The following CAPNS1 variants were observed in gnomAD, a reference collection of about 807,000 sequenced individuals.
CAPNS1 encodes calpain small subunit 1, also known as CANP small subunit.
A neutral mutation model predicts 39.2 loss-of-function variants in CAPNS1; 32 were observed. The observed-to-expected ratio is 0.82, with a 90% CI of 0.62 to 1.10. The LOEUF (loss-of-function observed/expected upper bound fraction) is 1.10. Among genes scored for constraint, CAPNS1 ranks in the 50% least tolerant of loss-of-function variants. CAPNS1 has a pLI of 0.00. For synonymous variants in CAPNS1, 153 were observed against 136.2 expected (o/e 1.12, Z -0.86); for missense variants, 353 against 373.1 (o/e 0.95, Z 0.44).
rs762877961 is a variant in CAPNS1 at position 36,142,980 on chromosome 19, G to T, written c.391+14G>T. 17 of 1,614,162 alleles carry T rather than the reference G, an allele frequency of 1.1e-5. No homozygotes were observed. In the Admixed American group the frequency reaches 2.3e-4, roughly 22 times the overall value. The stretch of plus-strand genomic sequence containing the variant: ...TTGTGACACGACGTAAGTGACCGGG[G>T]TTAAGGAATAGGGTAGATTCAGAGG... On this transcript the variant is annotated intron_variant, in intron 5 of 10. Transcript: ENST00000246533.
At chr19:36,141,264 G>A in intron 2 of CAPNS1, 44 bp downstream of exon 2, 1 of 1,488,624 alleles carries the variant, frequency 6.7e-7, no homozygotes, top group South Asian at 1.3e-5. Flanking sequence ...GGAATGGGAG[G>A]AGCCTCAGTG....
At chr19:36,143,627 C>G (rs575112792) in intron 6 of CAPNS1, among the ~76,000 whole-genome samples, 2 of 150,432 alleles carry the variant, frequency 1.3e-5, no homozygotes, top group Non-Finnish European at 3.0e-5. Context: ...TTTGGGAGGC[C>G]GAGGCGGGCG....
Position 36,142,324 on chromosome 19 carries a change from G to C in CAPNS1, c.234G>C (p.Pro78=), listed in dbSNP as rs1304261216. The part of the protein sequence containing the change: ...AISEAAAQYN[P]EPPPPRTHYS... ...GCGAGGCGGCTGCGCAGTACAACCC[G>C]GAGCCCCCGGTAAGCCCCCTCTGCA... Residue 78 remains proline (P), a synonymous_variant, in exon 3 of 11, where the codon CCG becomes CCC. Coordinates refer to ENST00000246533, the MANE Select transcript of CAPNS1 (RefSeq NM_001749.4). 1.3e-6 allele frequency: 2 copies of C among 1,523,562 alleles called. No individual in the cohort carries two copies. The highest frequency in any genetic ancestry group is 1.2e-5 in the South Asian group (1 of 82,704). The allele number at this position is 1,523,562 out of a possible 1,614,324, so 94.4% of individuals were successfully genotyped here.
At position 36,141,238 on chromosome 19, in the gene CAPNS1, A is replaced by C; in HGVS notation, c.209+18A>C. ...GCCATCAGGTAAGGCGGAGACTATCAGAGGGGCGGGGCCTGGGAATGGGAG... is the reference window on the plus strand; with the variant it reads ...GCCATCAGGTAAGGCGGAGACTATCCGAGGGGCGGGGCCTGGGAATGGGAG... On this transcript the variant is annotated intron_variant, in intron 2 of 10. Coordinates refer to ENST00000246533, the MANE Select transcript of CAPNS1 (RefSeq NM_001749.4). 2 of 1,515,004 alleles carry C rather than the reference A, an allele frequency of 1.3e-6. No homozygotes were observed. Among genetic ancestry groups the C allele is most frequent in the South Asian group, 2.5e-5 (2 of 79,736 alleles). 93.8% of individuals were successfully genotyped at this position (1,515,004 alleles called of 1,614,324 possible). A position where few individuals can be genotyped will look rare whatever the true frequency, so the allele number is the denominator to read the frequency against.
intron 1 of CAPNS1, chr19:36,140,626 C>G: frequency 4.9e-6 from 1 of 205,222 alleles, no homozygotes; most frequent in Non-Finnish European, 9.7e-6. Context: ...GCGCCCATGA[C>G]CTGCCAAGGA....
At chr19:36,141,543 AACCT>A (rs1218665962) in intron 2 of CAPNS1, 2 of 1,182,318 alleles carry the variant, frequency 1.7e-6, no homozygotes, top group African/African-American at 3.2e-5. Context: ...TGCATTGGCT[AACCT>A]GGAGATGAAC....
chr19:36,144,552 T>A (rs1386635914), intron 6 of CAPNS1, among the ~76,000 whole-genome samples: 1 of 152,226 alleles, frequency 6.6e-6, no homozygotes, highest in African/African-American at 2.4e-5. Flanking sequence ...ATTTTTGTTT[T>A]AAAAAATATT....
chr19:36,142,803 C>A, intron 4 of CAPNS1, 62 bp downstream of exon 4: 3 of 1,580,068 alleles, frequency 1.9e-6, no homozygotes, highest in Non-Finnish European at 2.6e-6. Context: ...TGTGGCTGCC[C>A]TTGCACACAC....
At chr19:36,149,194 C>T (rs1490908925) in intron 9 of CAPNS1, among the ~76,000 whole-genome samples, 1 of 152,194 alleles carries the variant, frequency 6.6e-6, no homozygotes, top group Non-Finnish European at 1.5e-5. Context: ...ATGGCCCCTC[C>T]CTTCCTGCCT....
Position 36,143,057 on chromosome 19 carries a change from C to A in CAPNS1, c.392-7C>A. The A allele has an allele frequency of 6.2e-7, 1 of 1,614,148 alleles. No homozygotes were observed. The highest frequency in any genetic ancestry group is 8.5e-7 in the Non-Finnish European group (1 of 1,180,000). On this transcript the variant is annotated splice_region_variant and splice_polypyrimidine_tract_variant and intron_variant, in intron 5 of 10. Transcript: ENST00000246533. ...CTGGCCTCTGACTTTCAACCTGTTA[C>A]CCACAGACCCTGATCTGAAGACTGA...
rs761502994 is a variant in CAPNS1, at chr19:36,146,202, A to G, written c.611A>G (p.His204Arg). ...AGGACTACATCCATCTTAGGGTTCCACCTGAATGAGCATCTCTATAACATG... is the reference window on the plus strand; with the variant it reads ...AGGACTACATCCATCTTAGGGTTCCGCCTGAATGAGCATCTCTATAACATG... The part of the protein sequence containing the change: ...LPGAFEAAGF[H>R]LNEHLYNMII... Residue 204 changes from histidine (H) to arginine (R), a missense_variant, in exon 9 of 11, where the codon CAC becomes CGC. Coordinates refer to ENST00000246533, the MANE Select transcript of CAPNS1 (RefSeq NM_001749.4). 7 of 1,612,150 alleles carry G rather than the reference A, an allele frequency of 4.3e-6. No individual in the cohort carries two copies. The highest frequency in any genetic ancestry group is 5.9e-6 in the Non-Finnish European group (7 of 1,178,288).
At chr19:36,142,562 C>T (rs1170207101) in intron 3 of CAPNS1, 90 bp from the exon 4 acceptor site, 1 of 1,028,408 alleles carries the variant, frequency 9.7e-7, no homozygotes, top group Non-Finnish European at 1.5e-6. Flanking sequence ...GCCCAGCCCA[C>T]TCTGACTTCC....
chr19:36,141,235 A>G lies in CAPNS1; in HGVS notation c.209+15A>G, dbSNP rs1490731941. ...AGCGCCATCAGGTAAGGCGGAGACT[A>G]TCAGAGGGGCGGGGCCTGGGAATGG... On this transcript the variant is annotated intron_variant, in intron 2 of 10. Coordinates refer to ENST00000246533, the MANE Select transcript of CAPNS1 (RefSeq NM_001749.4). The G allele has an allele frequency of 6.6e-7, 1 of 1,515,464 alleles. No individual in the cohort carries two copies. The highest frequency in any genetic ancestry group is 8.8e-7 in the Non-Finnish European group (1 of 1,137,758). 93.9% of individuals were successfully genotyped at this position (1,515,464 alleles called of 1,614,324 possible).
intron 8 of CAPNS1, 42 bp from the exon 9 acceptor site, chr19:36,146,154 G>A: frequency 6.3e-7 from 1 of 1,581,158 alleles, no homozygotes. Context: ...GAGTGGGTTG[G>A]GCCATGTGGC....
At chr19:36,140,246 A>C (rs1272905137) in intron 1 of CAPNS1, 89 bp downstream of exon 1, 2 of 152,172 alleles carry the variant, frequency 1.3e-5, no homozygotes, top group African/African-American at 4.8e-5. Context: ...TCTCGGCCTC[A>C]GGAGCCCCCC....
In CAPNS1 at chr19:36,141,060, G is replaced by A; in HGVS notation, c.49G>A (p.Gly17Arg). ...FLKGGGGGGG[G>R]GGGLGGGLGN... is the part of the protein sequence containing the mutation. ...GAAGGGCGGCGGCGGCGGCGGCGGG[G>A]GAGGCGGGGGCCTGGGTGGGGGCCT... The change falls in exon 2 of 11, where the codon GGA becomes AGA. Residue 17 changes from glycine to arginine, a missense_variant. Transcript: ENST00000246533. 2.6e-6 allele frequency: 4 copies of A among 1,529,828 alleles called. No homozygotes were observed. The highest frequency in any genetic ancestry group is 3.5e-6 in the Non-Finnish European group (4 of 1,135,278). 94.8% of individuals were successfully genotyped at this position (1,529,828 alleles called of 1,614,324 possible). A position where few individuals can be genotyped will look rare whatever the true frequency, so the allele number is the denominator to read the frequency against.
At position 36,146,197 on chromosome 19, in the gene CAPNS1, G is replaced by A; in HGVS notation, c.606G>A (p.Gly202=). Reference sequence around the variant, plus strand: ...CCTGAAGGACTACATCCATCTTAGGGTTCCACCTGAATGAGCATCTCTATA... The same window carrying A: ...CCTGAAGGACTACATCCATCTTAGGATTCCACCTGAATGAGCATCTCTATA... ...SELPGAFEAA[G]FHLNEHLYNM... is the part of the protein sequence containing the mutation. The change falls in exon 9 of 11, where the codon GGG becomes GGA. Residue 202 remains glycine, a splice_region_variant and synonymous_variant. Transcript: ENST00000246533. 21 of 1,610,714 alleles carry A rather than the reference G, an allele frequency of 1.3e-5. No homozygotes were observed. The highest frequency in any genetic ancestry group is 1.8e-5 in the Non-Finnish European group (21 of 1,176,824).
At chr19:36,147,756 C>T (rs1014188817) in intron 9 of CAPNS1, among the ~76,000 whole-genome samples, 4 of 144,954 alleles carry the variant, frequency 2.8e-5, no homozygotes, top group African/African-American at 1.0e-4. Flanking sequence ...CAGATCGAGA[C>T]TCCGTCTTAA....
intron 9 of CAPNS1, among the ~76,000 whole-genome samples, chr19:36,149,216 T>C (rs754956083): frequency 6.6e-6 from 1 of 152,254 alleles, no homozygotes; most frequent in African/African-American, 2.4e-5. Context: ...ATTTCTTTTT[T>C]TCCTGTTTTT....
Sources: gnomAD v4.1 joint callset for allele counts (sites outside exome capture counted in the v4.1 genomes callset) on GRCh38, gnomAD v4.1.1 for gene constraint, MANE v1.5 for transcripts, NCBI Gene and HGNC (gene_info 2026-07-23, HGNC 2026-07-21) for gene names.